Variants in MTUS2 observed in about 807,000 individuals in gnomAD.
MTUS2 encodes the protein microtubule-associated tumor suppressor candidate 2.
A neutral mutation model predicts 114.1 loss-of-function variants in MTUS2; 40 were observed. That is an observed-to-expected ratio of 0.35 (90% CI 0.27 to 0.46). MTUS2 has a LOEUF of 0.46. Ranked by LOEUF, MTUS2 falls within the 20% of genes least tolerant of loss-of-function variation. The pLI, the probability that MTUS2 is intolerant of heterozygous loss-of-function variation, is 1.00. For synonymous variants in MTUS2, 688 were observed against 672.0 expected (o/e 1.02, Z -0.37); for missense variants, 1,679 against 1,705.4 (o/e 0.98, Z 0.27).
intron 5 of MTUS2, among the ~76,000 whole-genome samples, chr13:29,202,037 T>A (rs7324933): frequency 0.57 from 85,967 of 151,938 alleles, 24,509 homozygotes; most frequent in Admixed American, 0.57. Flanking sequence ...TTTCCTGAAT[T>A]TGAATGTTGG....
At chr13:28,845,507 C>G (rs1373084197) in intron 2 of MTUS2, among the ~76,000 whole-genome samples, 1 of 152,272 alleles carries the variant, frequency 6.6e-6, no homozygotes, top group East Asian at 1.9e-4. Context: ...CTTATTCTTT[C>G]AGCAGCACAG....
intron 8 of MTUS2, among the ~76,000 whole-genome samples, chr13:29,405,603 C>T (rs550520617): frequency 6.6e-6 from 1 of 152,242 alleles, no homozygotes; most frequent in South Asian, 2.1e-4. Flanking sequence ...TCGCCCACTG[C>T]ACGTTTGCCA....
Position 29,026,826 on chromosome 13 carries a change from A to G in MTUS2, c.2128A>G (p.Ser710Gly). 6.2e-7 allele frequency: 1 copy of G among 1,610,838 alleles called. No individual in the cohort carries two copies. The highest frequency in any genetic ancestry group is 1.7e-5 in the Admixed American group (1 of 60,030). The change falls in exon 3 of 16, where the codon AGT (serine) becomes GGT (glycine). Residue 710 changes from serine (S) to glycine (G), a missense_variant. Physicochemically the swap from Ser to Gly is moderately conservative, Grantham distance 56. Around this residue, in one of 3 missense-constraint regions of MTUS2, gnomAD observed 822 missense variants for 899.7 expected, o/e 0.91. Transcript: ENST00000612955. ...KPDLQKPRVF[S>G]SGLMVSGIKP... Reference sequence around the variant, plus strand: ...AGACCTGCAGAAGCCAAGGGTCTTCAGTTCCGGATTGATGGTGTCTGGAAT... The same window carrying G: ...AGACCTGCAGAAGCCAAGGGTCTTCGGTTCCGGATTGATGGTGTCTGGAAT...
At position 29,389,584 on chromosome 13, in the gene MTUS2, C is replaced by T. The variant is rs531719878; in HGVS notation, c.3117+30111C>T. On this transcript the variant is annotated intron_variant, in intron 8 of 15. Transcript: ENST00000612955. ...GTATATGTGTACATATGTGTGTATA[C>T]GTATACATATGTGTGTATACGTATA... Among the ~76,000 whole-genome samples the T allele has an allele frequency of 1.9e-4, 19 of 101,422 alleles. 2 individuals are homozygous for T. Among genetic ancestry groups the T allele is most frequent in the African/African-American group, 7.6e-4 (17 of 22,334 alleles). The allele number at this position is 101,422 out of a possible 152,430, so 66.5% of individuals were successfully genotyped here. A position where few individuals can be genotyped will look rare whatever the true frequency, so the allele number is the denominator to read the frequency against.
chr13:29,016,980 T>C (rs1886093149), intron 2 of MTUS2, among the ~76,000 whole-genome samples: 1 of 152,210 alleles, frequency 6.6e-6, no homozygotes, highest in Admixed American at 6.5e-5. Context: ...CTGATGAGAA[T>C]AAACATACCC....
In MTUS2 at chr13:29,452,380, G is replaced by A. The variant is rs566457372; in HGVS notation, c.3184+12331G>A. On this transcript the variant is annotated intron_variant, in intron 9 of 15. Transcript: ENST00000612955. ...CCCTTTAAAATGTTTACTCTTTTATGAATAAAGATAAAGATAACTTTTTTC... is the reference window on the plus strand; with the variant it reads ...CCCTTTAAAATGTTTACTCTTTTATAAATAAAGATAAAGATAACTTTTTTC... Among the ~76,000 whole-genome samples, 4 of 152,130 alleles carry A rather than the reference G, an allele frequency of 2.6e-5. No individual in the cohort carries two copies. The East Asian group carries it at 7.7e-4, about 29-fold the overall frequency.
chr13:29,046,015 C>T (rs1354730615), intron 4 of MTUS2, among the ~76,000 whole-genome samples: 2 of 152,158 alleles, frequency 1.3e-5, no homozygotes, highest in Non-Finnish European at 2.9e-5. Context: ...TGTTTATGTT[C>T]CCCATCCCAG....
At chr13:29,376,492 G>A (rs576735531) in intron 8 of MTUS2, among the ~76,000 whole-genome samples, 1 of 152,126 alleles carries the variant, frequency 6.6e-6, no homozygotes, top group Non-Finnish European at 1.5e-5. Flanking sequence ...GTAGGAAAGG[G>A]GAGACAGAGG....
chr13:29,053,589 A>G (rs878985907), intron 4 of MTUS2, among the ~76,000 whole-genome samples: 1 of 152,178 alleles, frequency 6.6e-6, no homozygotes, highest in Non-Finnish European at 1.5e-5. Flanking sequence ...ACCTTATCCC[A>G]GGTGAATATT....
intron 2 of MTUS2, among the ~76,000 whole-genome samples, chr13:28,843,421 G>GT (rs1351447781): frequency 1.3e-5 from 2 of 152,148 alleles, no homozygotes; most frequent in Admixed American, 6.5e-5. Flanking sequence ...CACAAAGTCT[G>GT]TTTTTTGAGG....
chr13:29,286,953 G>T (rs1898517756), intron 6 of MTUS2, among the ~76,000 whole-genome samples: 1 of 152,160 alleles, frequency 6.6e-6, no homozygotes, highest in Non-Finnish European at 1.5e-5. Context: ...CTCCCAAAGT[G>T]CTGGGATTAC....
chr13:28,982,072 A>G (rs995162177), intron 2 of MTUS2, among the ~76,000 whole-genome samples: 2 of 152,172 alleles, frequency 1.3e-5, no homozygotes, highest in Non-Finnish European at 1.5e-5. Flanking sequence ...TTAATGGCCA[A>G]TGTAAATGTC....
chr13:29,425,538 A>G (rs1876450310), intron 8 of MTUS2, among the ~76,000 whole-genome samples: 1 of 152,232 alleles, frequency 6.6e-6, no homozygotes, highest in African/African-American at 2.4e-5. Context: ...TATATGAAGA[A>G]AAAGTAAAAA....
At chr13:29,069,160 G>T (rs573747655) in intron 4 of MTUS2, among the ~76,000 whole-genome samples, 1 of 152,242 alleles carries the variant, frequency 6.6e-6, no homozygotes, top group South Asian at 2.1e-4. Context: ...GAACCAATAT[G>T]AAATAAGAGA....
chr13:29,438,299 A>G (rs963388087), intron 8 of MTUS2, among the ~76,000 whole-genome samples: 5 of 152,192 alleles, frequency 3.3e-5, no homozygotes, highest in Non-Finnish European at 5.9e-5. Context: ...ATGGAAGGAG[A>G]GAACTTCAGA....
intron 5 of MTUS2, among the ~76,000 whole-genome samples, chr13:29,160,199 C>G (rs547066417): frequency 4.0e-4 from 61 of 152,336 alleles, no homozygotes; most frequent in African/African-American, 1.4e-3. Flanking sequence ...CCTTGAGCAA[C>G]ACAGCTTTGA....
chr13:28,939,546 C>T (rs1882108267), intron 2 of MTUS2, among the ~76,000 whole-genome samples: 1 of 152,076 alleles, frequency 6.6e-6, no homozygotes, highest in South Asian at 2.1e-4. Flanking sequence ...AAATGTTTGC[C>T]ATGCTACATA....
chr13:29,283,786 G>A (rs1898369024), intron 6 of MTUS2, among the ~76,000 whole-genome samples: 1 of 152,168 alleles, frequency 6.6e-6, no homozygotes. Context: ...TTAGAAAAAG[G>A]CAAAGGGCTC....
chr13:29,420,324 C>T (rs2138589280), intron 8 of MTUS2, among the ~76,000 whole-genome samples: 1 of 148,892 alleles, frequency 6.7e-6, no homozygotes, highest in Non-Finnish European at 1.5e-5. Flanking sequence ...GTCACCCAGG[C>T]CGGAGTGCAG....
Sources: allele counts gnomAD v4.1 joint callset (sites outside exome capture counted in the v4.1 genomes callset), GRCh38; gene constraint gnomAD v4.1.1; regional missense constraint gnomAD v4.1.1; transcripts MANE v1.5; gene names NCBI Gene and HGNC (gene_info 2026-07-23, HGNC 2026-07-21).